Variants in ADAMTS17 observed in about 807,000 individuals in gnomAD.
ADAMTS17 encodes the protein A disintegrin and metalloproteinase with thrombospondin motifs 17.
ADAMTS17 carries 113 observed loss-of-function variants against 141.5 expected under a neutral mutation model. That is an observed-to-expected ratio of 0.80 (90% CI 0.69 to 0.93). ADAMTS17 has a LOEUF of 0.93. Among genes scored for constraint, ADAMTS17 ranks in the 40% least tolerant of loss-of-function variants. ADAMTS17 has a pLI of 0.00. For missense variants in ADAMTS17, 1,659 were observed against 1,517.9 expected (o/e 1.09, Z -1.54); for synonymous variants, 768 against 630.6 (o/e 1.22, Z -3.27).
intron 3 of ADAMTS17, among the ~76,000 whole-genome samples, chr15:100,304,020 G>A (rs1035268933): frequency 2.0e-5 from 3 of 152,164 alleles, no homozygotes; most frequent in South Asian, 2.1e-4. Context: ...CGCCGCACCC[G>A]GCCTTAATCA....
At chr15:100,042,643 G>A (rs141203921) in intron 18 of ADAMTS17, among the ~76,000 whole-genome samples, 2 of 152,104 alleles carry the variant, frequency 1.3e-5, no homozygotes, top group African/African-American at 4.8e-5. Flanking sequence ...TAAGTAAAAC[G>A]CAAGAACTAC....
intron 18 of ADAMTS17, among the ~76,000 whole-genome samples, chr15:100,033,766 C>T (rs375213995): frequency 3.9e-5 from 6 of 152,208 alleles, no homozygotes; most frequent in Middle Eastern, 3.2e-3. Context: ...ACCAACTTTT[C>T]GGTGTCTCTT....
chr15:99,981,793 A>G (rs1178582159), intron 20 of ADAMTS17, among the ~76,000 whole-genome samples: 2 of 152,262 alleles, frequency 1.3e-5, no homozygotes, highest in African/African-American at 4.8e-5. Flanking sequence ...ATAATTAAAA[A>G]TAAAACTGGA....
At chr15:100,172,767 C>T (rs2040207097) in intron 8 of ADAMTS17, among the ~76,000 whole-genome samples, 1 of 152,258 alleles carries the variant, frequency 6.6e-6, no homozygotes, top group African/African-American at 2.4e-5. Context: ...TCCCGCACCC[C>T]TCCCTTGTTC....
In ADAMTS17 at chr15:100,312,228, T is replaced by C. The variant is rs57044949; in HGVS notation, c.616+18661A>G. Reference sequence around the variant, plus strand: ...TATCTGGGTGGCTTTGATGGGTCTTTAGATGAGGGAGGCAGAGGGAAATCT... The same window carrying C: ...TATCTGGGTGGCTTTGATGGGTCTTCAGATGAGGGAGGCAGAGGGAAATCT... On this transcript the variant is annotated intron_variant, in intron 3 of 21. Transcript: ENST00000268070. Among the ~76,000 whole-genome samples the C allele has an allele frequency of 6.9e-3, 1,054 of 152,304 alleles. 9 individuals carry two copies. The highest frequency in any genetic ancestry group is 0.022 in the African/African-American group (922 of 41,572).
intron 20 of ADAMTS17, among the ~76,000 whole-genome samples, chr15:99,984,136 C>T (rs1253391967): frequency 6.6e-6 from 1 of 152,180 alleles, no homozygotes; most frequent in Non-Finnish European, 1.5e-5. Flanking sequence ...CCTCTGAATT[C>T]GCGGCCTGCT....
chr15:100,003,140 G>T (rs932260786), intron 18 of ADAMTS17, among the ~76,000 whole-genome samples: 1 of 152,028 alleles, frequency 6.6e-6, no homozygotes, highest in Non-Finnish European at 1.5e-5. Flanking sequence ...CCCACCATGG[G>T]GGACCTCGAG....
In ADAMTS17 at chr15:100,124,078, G is replaced by A. The variant is rs993805090; in HGVS notation, c.1722-7065C>T. 3.9e-5 allele frequency among the ~76,000 whole-genome samples: 6 copies of A among 152,004 alleles called. No homozygotes were observed. In the South Asian group the frequency reaches 8.3e-4, roughly 21 times the overall value. On this transcript the variant is annotated intron_variant, in intron 12 of 21. Coordinates refer to ENST00000268070, the MANE Select transcript of ADAMTS17 (RefSeq NM_139057.4). ...TCCTGGGTTCAGGTGATTCTTGTGG[G>A]TCAGCCTCCTGAGTAGCTAAGATTA...
intron 3 of ADAMTS17, among the ~76,000 whole-genome samples, chr15:100,295,570 C>A (rs939176692): frequency 6.6e-6 from 1 of 152,202 alleles, no homozygotes; most frequent in African/African-American, 2.4e-5. Context: ...TGGTCTGTCC[C>A]TTCAAAGGTA....
chr15:100,146,962 GGT>G (rs925672974), intron 10 of ADAMTS17, among the ~76,000 whole-genome samples: 68 of 152,260 alleles, frequency 4.5e-4, no homozygotes, highest in African/African-American at 1.5e-3. Context: ...CAATGACAGT[GGT>G]GCCCGAAACT....
intron 5 of ADAMTS17, 59 bp from the exon 6 acceptor site, chr15:100,261,695 C>T: frequency 6.4e-7 from 1 of 1,565,618 alleles, no homozygotes. Context: ...GAGTTTATTT[C>T]CAGACTATGA....
intron 15 of ADAMTS17, among the ~76,000 whole-genome samples, chr15:100,058,050 C>T (rs1381640839): frequency 6.6e-6 from 1 of 151,908 alleles, no homozygotes; most frequent in East Asian, 1.9e-4. Context: ...AGATGTTTAC[C>T]ACCCAGCTGA....
At chr15:100,284,511 A>G (rs966878980) in intron 3 of ADAMTS17, among the ~76,000 whole-genome samples, 1 of 152,204 alleles carries the variant, frequency 6.6e-6, no homozygotes, top group Admixed American at 6.5e-5. Context: ...TTGGAACTGC[A>G]GGCAAGAGAC....
intron 15 of ADAMTS17, among the ~76,000 whole-genome samples, chr15:100,058,277 G>A (rs796205581): frequency 6.1e-5 from 5 of 82,294 alleles, no homozygotes; most frequent in African/African-American, 1.4e-4. Context: ...CCCCTATCCC[G>A]GCTCTAACCC....
intron 7 of ADAMTS17, among the ~76,000 whole-genome samples, chr15:100,252,593 C>T (rs1224070653): frequency 2.6e-5 from 4 of 152,222 alleles, no homozygotes; most frequent in African/African-American, 9.6e-5. Context: ...ACAGCACATG[C>T]CTGGCAGCCC....
chr15:100,332,649 G>C (rs1427102286), intron 2 of ADAMTS17, among the ~76,000 whole-genome samples: 1 of 152,242 alleles, frequency 6.6e-6, no homozygotes, highest in Non-Finnish European at 1.5e-5. Flanking sequence ...TTTAAAGACA[G>C]GGAGATCTCA....
chr15:100,263,292 C>T (rs2043596025), intron 4 of ADAMTS17, among the ~76,000 whole-genome samples: 1 of 152,150 alleles, frequency 6.6e-6, no homozygotes, highest in African/African-American at 2.4e-5. Flanking sequence ...GAAACCAGTT[C>T]ATCGAGGTAA....
chr15:99,992,972 T>C, intron 20 of ADAMTS17, 76 bp downstream of exon 20: 1 of 1,590,668 alleles, frequency 6.3e-7, no homozygotes, highest in Non-Finnish European at 8.6e-7. Context: ...TTGGGACCCG[T>C]CACAAGAGCT....
At chr15:100,150,698 G>A (rs752916380) in intron 10 of ADAMTS17, among the ~76,000 whole-genome samples, 78 of 152,208 alleles carry the variant, frequency 5.1e-4, no homozygotes, top group Non-Finnish European at 9.0e-4. Flanking sequence ...ATCCTGCCCT[G>A]TAGGGCCAGC....
Sources: allele counts gnomAD v4.1 joint callset (sites outside exome capture counted in the v4.1 genomes callset), GRCh38; gene constraint gnomAD v4.1.1; transcripts MANE v1.5; gene names NCBI Gene and HGNC (gene_info 2026-07-23, HGNC 2026-07-21).